Variants in IQCH observed in about 807,000 individuals in gnomAD.
The protein encoded by IQCH is IQ motif containing H.
In IQCH, 98 loss-of-function variants were observed where a neutral mutation model predicts 117.0. The observed-to-expected ratio is 0.84, with a 90% CI of 0.71 to 0.99. The LOEUF is 0.99. IQCH is among the 50% of genes least tolerant of loss of function. The pLI, the probability that IQCH is intolerant of heterozygous loss-of-function variation, is 0.00. For missense variants in IQCH, 1,102 were observed against 1,243.8 expected, an observed-to-expected ratio of 0.89 and a Z score of 1.72; for synonymous variants, 412 against 448.2, an observed-to-expected ratio of 0.92 and a Z score of 1.02.
chr15:67,285,390 G>A (rs1253040828), intron 4 of IQCH, among the ~76,000 whole-genome samples: 1 of 151,952 alleles, frequency 6.6e-6, no homozygotes, highest in Non-Finnish European at 1.5e-5. Context: ...CATTCTGTAG[G>A]TTGTCTGTTT....
rs761601621 is a variant in IQCH at position 67,474,303 on chromosome 15, C to A, written c.2677-1393C>A. Among the ~76,000 whole-genome samples, 1 of 152,144 alleles carries A rather than the reference C, an allele frequency of 6.6e-6. No individual in the cohort carries two copies. Among genetic ancestry groups the A allele is most frequent in the Non-Finnish European group, 1.5e-5 (1 of 68,022 alleles). On this transcript the variant is annotated intron_variant, in intron 17 of 20. Coordinates refer to ENST00000335894, the MANE Select transcript of IQCH (RefSeq NM_001031715.3). This position sits in a 1 kb window ranked among gnomAD's most constrained non-coding sequence, Gnocchi z 4.1. ...CTTTGCCTACTCCTTTTCCAGGTCA[C>A]TGCATAAGTCTGGGTACCTAGTTGC...
In IQCH at chr15:67,404,749, A is replaced by G. The variant is rs1971818720; in HGVS notation, c.2097+4444A>G. ...GAACTCTAATATATTGAACAATTCA[A>G]CTAAGTTGGAAATTTAGGCTATTCC... On this transcript the variant is annotated intron_variant, in intron 14 of 20. Transcript: ENST00000335894. The surrounding 1 kb of genome is among the most constrained non-coding windows in gnomAD (Gnocchi z 4.6). 1 of 152,218 alleles carries G rather than the reference A, an allele frequency of 6.6e-6. No individual in the cohort carries two copies. Among genetic ancestry groups the G allele is most frequent in the African/African-American group, 2.4e-5 (1 of 41,454 alleles). 9.4% of individuals were successfully genotyped at this position (152,218 alleles called of 1,614,324 possible).
At chr15:67,418,910 G>A (rs1289347473) in intron 15 of IQCH, among the ~76,000 whole-genome samples, 1 of 151,658 alleles carries the variant, frequency 6.6e-6, no homozygotes, top group Non-Finnish European at 1.5e-5. Context: ...AAGTTATCGG[G>A]GGAAGACCAT....
intron 20 of IQCH, among the ~76,000 whole-genome samples, chr15:67,497,946 T>C (rs1347716421): frequency 7.2e-5 from 11 of 152,200 alleles, no homozygotes; most frequent in Admixed American, 7.2e-4. Flanking sequence ...AATTGATCTA[T>C]AGATTCAATG....
At chr15:67,324,839 T>A (rs557264904) in intron 4 of IQCH, among the ~76,000 whole-genome samples, 6 of 152,238 alleles carry the variant, frequency 3.9e-5, no homozygotes, top group African/African-American at 1.2e-4. Context: ...CTTTCAAGAT[T>A]TTCTTGCCTT....
rs750273174 is a variant in IQCH, at chr15:67,424,609, T to C, written c.2505+3032T>C. On this transcript the variant is annotated intron_variant, in intron 16 of 20. Transcript: ENST00000335894. This position sits in a 1 kb window ranked among gnomAD's most constrained non-coding sequence, Gnocchi z 4.9. ...ATTTGTTGACTGAATGAATGAACAA[T>C]GGAGGAGTTCTAGCAGATGCTGGAT... Among the ~76,000 whole-genome samples, 2 of 152,198 alleles carry C rather than the reference T, an allele frequency of 1.3e-5. No homozygotes were observed. Among genetic ancestry groups the C allele is most frequent in the Non-Finnish European group, 2.9e-5 (2 of 68,038 alleles).
chr15:67,355,630 A>T (rs969541870), intron 6 of IQCH, among the ~76,000 whole-genome samples: 1 of 152,104 alleles, frequency 6.6e-6, no homozygotes, highest in African/African-American at 2.4e-5. Context: ...ACAAAAGCAT[A>T]CAAGTTTGTC....
chr15:67,464,059 T>G (rs2082869891), intron 16 of IQCH, among the ~76,000 whole-genome samples: 1 of 152,134 alleles, frequency 6.6e-6, no homozygotes, highest in Non-Finnish European at 1.5e-5. Flanking sequence ...GCCAGGCTGG[T>G]CTCAGGTGAT....
At chr15:67,378,663 A>G (rs1208595542) in intron 10 of IQCH, among the ~76,000 whole-genome samples, 2 of 152,060 alleles carry the variant, frequency 1.3e-5, no homozygotes, top group African/African-American at 4.8e-5. Flanking sequence ...TGATCTTATA[A>G]TATGAAATTA....
At chr15:67,382,959 C>T (rs552282464) in intron 10 of IQCH, among the ~76,000 whole-genome samples, 1 of 152,276 alleles carries the variant, frequency 6.6e-6, no homozygotes, top group African/African-American at 2.4e-5. Context: ...ATCTTTTCAC[C>T]TGTCAACACA....
rs1042401170 is a variant in IQCH at position 67,474,924 on chromosome 15, C to G, written c.2677-772C>G. Among the ~76,000 whole-genome samples the G allele has an allele frequency of 6.6e-6, 1 of 152,172 alleles. No individual in the cohort carries two copies. On this transcript the variant is annotated intron_variant, in intron 17 of 20. Coordinates refer to ENST00000335894, the MANE Select transcript of IQCH (RefSeq NM_001031715.3). This position sits in a 1 kb window ranked among gnomAD's most constrained non-coding sequence, Gnocchi z 4.1. Reference sequence around the variant, plus strand: ...CCACGTGGTCTTCCTCTCAAAAACACATTACTACAGTCTAATCAGGAGAAA... The same window carrying G: ...CCACGTGGTCTTCCTCTCAAAAACAGATTACTACAGTCTAATCAGGAGAAA...
intron 16 of IQCH, among the ~76,000 whole-genome samples, chr15:67,449,009 G>A (rs1309832576): frequency 3.3e-5 from 5 of 152,112 alleles, no homozygotes; most frequent in Admixed American, 1.3e-4. Flanking sequence ...TGTTTTGGCT[G>A]CATAAATGTC....
chr15:67,423,042 T>A (rs150177044), intron 16 of IQCH, among the ~76,000 whole-genome samples: 306 of 152,364 alleles, frequency 2.0e-3, no homozygotes, highest in African/African-American at 7.2e-3. Context: ...TTTTTGGCAG[T>A]TTTCAGCTTG....
chr15:67,449,092 T>C (rs908748374), intron 16 of IQCH, among the ~76,000 whole-genome samples: 1 of 151,184 alleles, frequency 6.6e-6, no homozygotes, highest in African/African-American at 2.4e-5. Context: ...TCTTGTAAAT[T>C]TGTTTGAGTT....
Position 67,463,197 on chromosome 15 carries a change from G to A in IQCH, c.2506-1930G>A, listed in dbSNP as rs564735489. Among the ~76,000 whole-genome samples the A allele has an allele frequency of 3.3e-5, 5 of 152,248 alleles. No homozygotes were observed. The South Asian group carries it at 1.0e-3, about 32-fold the overall frequency. On this transcript the variant is annotated intron_variant, in intron 16 of 20. Transcript: ENST00000335894. This position sits in a 1 kb window ranked among gnomAD's most constrained non-coding sequence, Gnocchi z 4.0. ...GAGTTGGTGAGCGGGGTAAATACAG[G>A]CCTTCTAGGAGGAAAAACTGTTTAA...
chr15:67,323,030 A>G (rs1968214386), intron 4 of IQCH, among the ~76,000 whole-genome samples: 1 of 152,132 alleles, frequency 6.6e-6, no homozygotes, highest in Non-Finnish European at 1.5e-5. Context: ...ATGGGAAGAA[A>G]GGTTCTCAAT....
At chr15:67,446,343 A>T (rs2082390693) in intron 16 of IQCH, among the ~76,000 whole-genome samples, 1 of 152,246 alleles carries the variant, frequency 6.6e-6, no homozygotes. Flanking sequence ...CCATGACTCA[A>T]TAGCATTCTA....
chr15:67,320,659 A>G (rs1968073479), intron 4 of IQCH, among the ~76,000 whole-genome samples: 1 of 152,202 alleles, frequency 6.6e-6, no homozygotes, highest in Admixed American at 6.5e-5. Flanking sequence ...AGTTTTATGT[A>G]AAATCAAGTT....
At chr15:67,274,455 A>G (rs1278839865) in intron 3 of IQCH, among the ~76,000 whole-genome samples, 1 of 152,122 alleles carries the variant, frequency 6.6e-6, no homozygotes, top group Non-Finnish European at 1.5e-5. Context: ...GAGAGCCTCT[A>G]GTGAATTTTT....
Sources: allele counts gnomAD v4.1 joint callset (sites outside exome capture counted in the v4.1 genomes callset), GRCh38; gene constraint gnomAD v4.1.1; non-coding constraint Gnocchi (gnomAD v3.1); transcripts MANE v1.5; gene names NCBI Gene and HGNC (gene_info 2026-07-23, HGNC 2026-07-21).